EPC2: variants seen among roughly 807,000 people sequenced by gnomAD.
The protein encoded by EPC2 is enhancer of polycomb homolog 2.
EPC2 carries 14 observed loss-of-function variants against 92.1 expected under a neutral mutation model. The observed-to-expected ratio is 0.15, with a 90% CI of 0.10 to 0.24. EPC2 has a LOEUF of 0.24. EPC2 is among the 10% of genes least tolerant of loss of function. The probability of loss-of-function intolerance (pLI) is 1.00; values close to 1 mark genes in which losing one functional copy is unlikely to be tolerated. For synonymous variants in EPC2, 340 were observed against 334.7 expected (o/e 1.02, Z -0.17); for missense variants, 755 against 971.5 (o/e 0.78, Z 2.96).
chr2:148,784,698 T>C lies in EPC2; in HGVS notation c.2048T>C (p.Met683Thr), dbSNP rs1169742436. The C allele has an allele frequency of 1.9e-6, 3 of 1,612,286 alleles. No homozygotes were observed. The highest frequency in any genetic ancestry group is 2.7e-5 in the African/African-American group (2 of 74,890). ...GTSKTLYSTN[M>T]ALSSSPGISA... ...TCTAAAACATTATACTCCACCAATATGGCTTTATCATCCAGCCCAGGGATT... is the reference window on the plus strand; with the variant it reads ...TCTAAAACATTATACTCCACCAATACGGCTTTATCATCCAGCCCAGGGATT... Residue 683 changes from methionine (M) to threonine (T), a missense_variant, in exon 13 of 14, where the codon ATG (methionine) becomes ACG (threonine). Physicochemically the swap from Met to Thr is moderately conservative, Grantham distance 81. Transcript: ENST00000258484.
chr2:148,648,535 C>A (rs1417363431), intron 1 of EPC2, among the ~76,000 whole-genome samples: 1 of 152,074 alleles, frequency 6.6e-6, no homozygotes, highest in Non-Finnish European at 1.5e-5. Context: ...AACAAACCAA[C>A]CTTGGCTTAC....
At chr2:148,773,104 T>C (rs1014756252) in intron 10 of EPC2, among the ~76,000 whole-genome samples, 8 of 152,132 alleles carry the variant, frequency 5.3e-5, no homozygotes, top group Non-Finnish European at 1.2e-4. Context: ...AACTTGACTT[T>C]TTTCCAGAAA....
intron 2 of EPC2, among the ~76,000 whole-genome samples, chr2:148,716,379 A>C (rs6430337): frequency 0.96 from 146,702 of 152,206 alleles, 70,925 homozygotes; most frequent in Middle Eastern, 1. Context: ...ATGGCTCTTA[A>C]TATTTTGAGG....
chr2:148,728,893 A>C (rs1477311928), intron 2 of EPC2, among the ~76,000 whole-genome samples: 1 of 151,204 alleles, frequency 6.6e-6, no homozygotes, highest in African/African-American at 2.4e-5. Flanking sequence ...TTAGCCGGGC[A>C]TGGTGGTGGG....
intron 3 of EPC2, among the ~76,000 whole-genome samples, chr2:148,752,997 G>A (rs947049001): frequency 6.6e-6 from 1 of 152,284 alleles, no homozygotes. Flanking sequence ...AAAAGATTGA[G>A]ATAGCATCAC....
chr2:148,678,428 C>T (rs865964817), intron 1 of EPC2, among the ~76,000 whole-genome samples: 4 of 152,236 alleles, frequency 2.6e-5, no homozygotes, highest in African/African-American at 4.8e-5. Flanking sequence ...GTGGTTGATG[C>T]GACTGGGTGC....
In EPC2 at chr2:148,677,831, G is replaced by A. The variant is rs143946065; in HGVS notation, c.154-12383G>A. On this transcript the variant is annotated intron_variant, in intron 1 of 13. Transcript: ENST00000258484. ...GCATCTGGAGTTGTTTGTTCCTCCC[G>A]GTGGGCTTGTGGTCTCGCTGGCTTC... 7.2e-3 allele frequency among the ~76,000 whole-genome samples: 1,089 copies of A among 152,144 alleles called. 6 individuals are homozygous for A. The highest frequency in any genetic ancestry group is 0.025 in the African/African-American group (1,024 of 41,504).
Position 148,770,884 on chromosome 2 carries a change from A to G in EPC2, c.1323A>G (p.Thr441=), listed in dbSNP as rs768361024. Residue 441 remains threonine, a synonymous_variant, in exon 9 of 14, where the codon ACA becomes ACG. Transcript: ENST00000258484. Reference sequence around the variant, plus strand: ...ATAGGCATTGCCTTACAACACTTACAGTCCCAAGAAGATGTATAGGATTTG... The same window carrying G: ...ATAGGCATTGCCTTACAACACTTACGGTCCCAAGAAGATGTATAGGATTTG... ...LRYRHCLTTL[T]VPRRCIGFAR... 1.2e-6 allele frequency: 2 copies of G among 1,613,740 alleles called. No individual in the cohort carries two copies. The highest frequency in any genetic ancestry group is 8.5e-7 in the Non-Finnish European group (1 of 1,179,832).
At chr2:148,686,264 C>G (rs1466482719) in intron 1 of EPC2, among the ~76,000 whole-genome samples, 1 of 152,210 alleles carries the variant, frequency 6.6e-6, no homozygotes, top group Non-Finnish European at 1.5e-5. Flanking sequence ...CCTTGCTCAT[C>G]CATAAGAAAC....
intron 1 of EPC2, among the ~76,000 whole-genome samples, chr2:148,647,039 G>C (rs1433069267): frequency 6.6e-6 from 1 of 151,940 alleles, no homozygotes; most frequent in Non-Finnish European, 1.5e-5. Flanking sequence ...GAACCCGGGA[G>C]AAAGAGGTTG....
At chr2:148,658,313 G>A (rs1215366750) in intron 1 of EPC2, among the ~76,000 whole-genome samples, 3 of 151,920 alleles carry the variant, frequency 2.0e-5, no homozygotes, top group African/African-American at 7.3e-5. Flanking sequence ...ACCATACTCG[G>A]GGGCACCTTT....
At chr2:148,699,689 A>G (rs1474877342) in intron 2 of EPC2, among the ~76,000 whole-genome samples, 1 of 152,180 alleles carries the variant, frequency 6.6e-6, no homozygotes, top group African/African-American at 2.4e-5. Context: ...TATAAATAAA[A>G]CTGCTCTAAA....
rs970730030 is a variant in EPC2, at chr2:148,689,343, A to AT, written c.154-863dup. Among the ~76,000 whole-genome samples, 5 of 151,798 alleles carry AT rather than the reference A, an allele frequency of 3.3e-5. No individual in the cohort carries two copies. In the South Asian group the frequency reaches 8.4e-4, roughly 25 times the overall value. On this transcript the variant is annotated intron_variant, in intron 1 of 13. Transcript: ENST00000258484. ...AGGCACCCGCCACTACGCCCGGCTAATTTTTTTTGTATTTTTAGTAGAGTC... is the reference window on the plus strand; with the variant it reads ...AGGCACCCGCCACTACGCCCGGCTAATTTTTTTTTGTATTTTTAGTAGAGTC...
intron 7 of EPC2, among the ~76,000 whole-genome samples, chr2:148,766,997 A>G (rs1391091491): frequency 6.6e-6 from 1 of 152,116 alleles, no homozygotes; most frequent in Non-Finnish European, 1.5e-5. Context: ...CAGCCTGGGC[A>G]ACATGGTGAA....
Position 148,690,135 on chromosome 2 carries a change from A to G in EPC2, c.154-79A>G, listed in dbSNP as rs1204070248. On this transcript the variant is annotated intron_variant, in intron 1 of 13. Coordinates refer to ENST00000258484, the MANE Select transcript of EPC2 (RefSeq NM_015630.4). Reference sequence around the variant, plus strand: ...TCTTAAAGCACTTTGTGATTATTAAACAAAGTAACTTTTATATAAAATTAT... The same window carrying G: ...TCTTAAAGCACTTTGTGATTATTAAGCAAAGTAACTTTTATATAAAATTAT... 25 of 1,350,678 alleles carry G rather than the reference A, an allele frequency of 1.9e-5. No individual in the cohort carries two copies. In the East Asian group the frequency reaches 6.1e-4, roughly 33 times the overall value. 83.7% of individuals were successfully genotyped at this position (1,350,678 alleles called of 1,614,324 possible). A position where few individuals can be genotyped will look rare whatever the true frequency, so the allele number is the denominator to read the frequency against.
chr2:148,707,438 A>G (rs1464054281), intron 2 of EPC2, among the ~76,000 whole-genome samples: 3 of 152,134 alleles, frequency 2.0e-5, no homozygotes, highest in Admixed American at 6.5e-5. Flanking sequence ...AGACAAATCA[A>G]CAAGACAGAA....
intron 2 of EPC2, among the ~76,000 whole-genome samples, chr2:148,704,610 C>G (rs906003700): frequency 6.6e-6 from 1 of 152,192 alleles, no homozygotes; most frequent in African/African-American, 2.4e-5. Flanking sequence ...TGATGAGTCA[C>G]AGTGAGTATC....
Position 148,667,888 on chromosome 2 carries a change from T to TTTG in EPC2, c.154-22305_154-22303dup, listed in dbSNP as rs373872625. ...TATCTGTAGAGATGATCATACAGTT[T>TTTG]TTGTTGTTGTTGTTGTTGTTGTTTT... On this transcript the variant is annotated intron_variant, in intron 1 of 13. Transcript: ENST00000258484. Among the ~76,000 whole-genome samples, 528 of 152,050 alleles carry TTTG rather than the reference T, an allele frequency of 3.5e-3. 2 individuals carry two copies. The highest frequency in any genetic ancestry group is 5.6e-3 in the Non-Finnish European group (384 of 67,968).
intron 1 of EPC2, among the ~76,000 whole-genome samples, chr2:148,665,367 A>AT (rs1019987539): frequency 2.2e-4 from 34 of 152,036 alleles, no homozygotes; most frequent in African/African-American, 6.3e-4. Flanking sequence ...TACTGTTTGA[A>AT]TTTTTTTTAC....
Sources: allele counts gnomAD v4.1 joint callset (sites outside exome capture counted in the v4.1 genomes callset), GRCh38; gene constraint gnomAD v4.1.1; transcripts MANE v1.5; gene names NCBI Gene and HGNC (gene_info 2026-07-23, HGNC 2026-07-21).